HIP1R: variants seen among roughly 807,000 people sequenced by gnomAD.
HIP1R encodes huntingtin interacting protein 1 related.
A neutral mutation model predicts 144.2 loss-of-function variants in HIP1R; 135 were observed. That is an observed-to-expected ratio of 0.94 (90% CI 0.81 to 1.08). The LOEUF (loss-of-function observed/expected upper bound fraction) is 1.08, where lower values mean the gene tolerates loss of function less well. Ranked by LOEUF, HIP1R falls within the 50% of genes least tolerant of loss-of-function variation. The pLI, the probability that HIP1R is intolerant of heterozygous loss-of-function variation, is 0.00. For synonymous variants in HIP1R, 698 were observed against 612.8 expected (o/e 1.14, Z -2.05); for missense variants, 1,462 against 1,432.8 (o/e 1.02, Z -0.33).
chr12:122,858,895 T>G lies in HIP1R; in HGVS notation c.2108T>G (p.Ile703Ser). The G allele has an allele frequency of 6.2e-7, 1 of 1,613,158 alleles. No homozygotes were observed. The highest frequency in any genetic ancestry group is 2.2e-5 in the East Asian group (1 of 44,878). The change falls in exon 21 of 32, where the codon ATC becomes AGC. Residue 703 changes from isoleucine (I) to serine (S), a missense_variant. This residue lies in a region of HIP1R where 1,112 missense variants were observed against 1,011.7 expected (regional missense o/e 1.10). Transcript: ENST00000253083. ...TRFSHLAADTIINGGATSHLA... is the reference protein window; with the variant it reads ...TRFSHLAADTSINGGATSHLA... The stretch of plus-strand genomic sequence containing the variant: ...TTCTCCCACCTGGCTGCGGATACCA[T>G]CATCAATGGCGGTGCCACCTCGCAC...
intron 7 of HIP1R, 33 bp downstream of exon 7, chr12:122,851,330 G>C (rs2033388723): frequency 6.7e-7 from 1 of 1,499,360 alleles, no homozygotes; most frequent in South Asian, 1.4e-5. Context: ...GGGGGTCTGA[G>C]TGTATTGCTA....
rs2033699837 is a variant in HIP1R at position 122,859,522 on chromosome 12, G to T, written c.2392G>T (p.Val798Leu). ...CACATCCGCAGCCATTGAAGATGCT[G>T]TGCGGAGGATTGAGGTGAGCACGGG... Reference protein sequence around the residue: ...AATSAAIEDAVRRIEDMMNQA... With the variant: ...AATSAAIEDALRRIEDMMNQA... The change falls in exon 23 of 32, where the codon GTG becomes TTG. Residue 798 changes from valine to leucine, a missense_variant. Around this residue, in one of 2 missense-constraint regions of HIP1R, gnomAD observed 1,112 missense variants for 1,011.7 expected, o/e 1.10. Transcript: ENST00000253083. 1.2e-6 allele frequency: 2 copies of T among 1,612,666 alleles called. No individual in the cohort carries two copies. The highest frequency in any genetic ancestry group is 2.2e-5 in the South Asian group (2 of 91,062).
intron 17 of HIP1R, 51 bp from the exon 18 acceptor site, chr12:122,856,970 G>C: frequency 6.6e-7 from 1 of 1,516,750 alleles, no homozygotes; most frequent in Non-Finnish European, 8.9e-7. Flanking sequence ...GGCAGGGTGG[G>C]TGGGGCCTGG....
At chr12:122,846,258 G>A (rs1444273543) in intron 1 of HIP1R, among the ~76,000 whole-genome samples, 1 of 152,174 alleles carries the variant, frequency 6.6e-6, no homozygotes, top group East Asian at 1.9e-4. Context: ...CACAGGTTGT[G>A]GAATCAGACA....
intron 7 of HIP1R, 114 bp from the exon 8 acceptor site, chr12:122,853,929 G>C: frequency 8.1e-7 from 1 of 1,238,954 alleles, no homozygotes; most frequent in East Asian, 2.5e-5. Context: ...TGGAGGCAGG[G>C]GGCACACTGG....
intron 1 of HIP1R, among the ~76,000 whole-genome samples, chr12:122,839,638 G>A (rs2033001635): frequency 6.6e-6 from 1 of 152,216 alleles, no homozygotes; most frequent in African/African-American, 2.4e-5. Context: ...CCAGAGGCAA[G>A]CCACGTGTGT....
intron 23 of HIP1R, 56 bp downstream of exon 23, chr12:122,859,592 G>GC: frequency 6.9e-7 from 1 of 1,439,256 alleles, no homozygotes; most frequent in Admixed American, 2.0e-5. Context: ...GGGGCCGGAG[G>GC]CCCCAACTGG....
intron 1 of HIP1R, 36 bp from the exon 2 acceptor site, chr12:122,847,995 C>T (rs2033260086): frequency 1.2e-6 from 2 of 1,610,494 alleles, no homozygotes; most frequent in Non-Finnish European, 1.7e-6. Context: ...GGGTGGCTGC[C>T]TGGGGCTCTA....
rs546127110 is a variant in HIP1R at position 122,861,367 on chromosome 12, G to A, written c.3012G>A (p.Leu1004=). ...LEAERMRLGE[L]RKQHYVLAGA... ...CTGAACGCATGCGGCTGGGGGAGTT[G>A]CGGAAGCAACACTACGTGCTGGCTG... The change falls in exon 31 of 32, where the codon TTG becomes TTA. Residue 1004 remains leucine (L), a synonymous_variant. Coordinates refer to ENST00000253083, the MANE Select transcript of HIP1R (RefSeq NM_003959.3). 23 of 1,613,592 alleles carry A rather than the reference G, an allele frequency of 1.4e-5. No homozygotes were observed. The highest frequency in any genetic ancestry group is 3.3e-4 in the Middle Eastern group (2 of 6,060).
intron 1 of HIP1R, among the ~76,000 whole-genome samples, chr12:122,844,250 G>C (rs2033145567): frequency 6.6e-6 from 1 of 152,118 alleles, no homozygotes; most frequent in Non-Finnish European, 1.5e-5. Flanking sequence ...GCCATTCTCA[G>C]CCTTCTAAGT....
At chr12:122,848,175 C>T in intron 2 of HIP1R, 81 bp downstream of exon 2, 1 of 1,462,380 alleles carries the variant, frequency 6.8e-7, no homozygotes, top group East Asian at 2.3e-5. Flanking sequence ...CTGCGGTCAG[C>T]TGTGCCGGGG....
chr12:122,861,254 G>A (rs1489770000), intron 30 of HIP1R, 54 bp from the exon 31 acceptor site: 1 of 1,613,300 alleles, frequency 6.2e-7, no homozygotes, highest in African/African-American at 1.3e-5. Flanking sequence ...CCTGGACCCA[G>A]GAGAGAGCTC....
intron 22 of HIP1R, 76 bp from the exon 23 acceptor site, chr12:122,859,350 C>T: frequency 1.3e-6 from 2 of 1,502,354 alleles, no homozygotes; most frequent in Non-Finnish European, 1.8e-6. Context: ...CCCTGTGGTC[C>T]CCAACCTCTT....
In HIP1R at chr12:122,859,767, T is replaced by A; in HGVS notation, c.2407-5T>A. 6.2e-7 allele frequency: 1 copy of A among 1,612,786 alleles called. No individual in the cohort carries two copies. The highest frequency in any genetic ancestry group is 8.5e-7 in the Non-Finnish European group (1 of 1,179,716). On this transcript the variant is annotated splice_polypyrimidine_tract_variant and splice_region_variant and intron_variant, in intron 23 of 31. Coordinates refer to ENST00000253083, the MANE Select transcript of HIP1R (RefSeq NM_003959.3). ...GCCAGCTCACGGCTCTGTTCTTGGG[T>A]GCAGGACATGATGAACCAGGCACGC...
chr12:122,835,781 T>G, intron 1 of HIP1R, 138 bp downstream of exon 1: 1 of 423,916 alleles, frequency 2.4e-6, no homozygotes, highest in Non-Finnish European at 3.2e-6. Context: ...GCAGGGCCTG[T>G]GTCCGCCCGG....
intron 8 of HIP1R, 45 bp from the exon 9 acceptor site, chr12:122,854,860 G>GA: frequency 6.3e-7 from 1 of 1,592,980 alleles, no homozygotes; most frequent in Admixed American, 1.7e-5. Flanking sequence ...GTGAGCCCCT[G>GA]AGCAGTGTGC....
chr12:122,859,723 C>G, intron 23 of HIP1R, 49 bp from the exon 24 acceptor site: 6 of 1,598,162 alleles, frequency 3.8e-6, no homozygotes, highest in Non-Finnish European at 5.1e-6. Context: ...TTTCCCAGGA[C>G]CACGGTCCCC....
Position 122,860,735 on chromosome 12 carries a change from G to A in HIP1R, c.2717G>A (p.Cys906Tyr), listed in dbSNP as rs564990164. The A allele has an allele frequency of 6.2e-7, 1 of 1,613,232 alleles. No individual in the cohort carries two copies. Among genetic ancestry groups the A allele is most frequent in the African/African-American group, 1.3e-5 (1 of 75,020 alleles). Reference sequence around the variant, plus strand: ...GGCAAGTATGAGGAGCTCATCGTCTGCTCCCACGAGATCGCAGCCAGCACG... The same window carrying A: ...GGCAAGTATGAGGAGCTCATCGTCTACTCCCACGAGATCGCAGCCAGCACG... ...HTGKYEELIV[C>Y]SHEIAASTAQ... is the part of the protein sequence containing the mutation. Residue 906 changes from cysteine to tyrosine, a missense_variant, in exon 28 of 32, where the codon TGC (cysteine) becomes TAC (tyrosine). Coordinates refer to ENST00000253083, the MANE Select transcript of HIP1R (RefSeq NM_003959.3).
chr12:122,855,261 G>C lies in HIP1R; in HGVS notation c.853-4G>C. On this transcript the variant is annotated splice_polypyrimidine_tract_variant and splice_region_variant and intron_variant, in intron 10 of 31. Transcript: ENST00000253083. ...TGAGCAGGTCCCACCTGCCGCCCCTGCAGGGACCCCCTAACTTCCTGCGGG... is the reference window on the plus strand; with the variant it reads ...TGAGCAGGTCCCACCTGCCGCCCCTCCAGGGACCCCCTAACTTCCTGCGGG... The C allele has an allele frequency of 6.2e-7, 1 of 1,612,720 alleles. No homozygotes were observed. The highest frequency in any genetic ancestry group is 8.5e-7 in the Non-Finnish European group (1 of 1,179,846).
Sources: allele counts gnomAD v4.1 joint callset (sites outside exome capture counted in the v4.1 genomes callset), GRCh38; gene constraint gnomAD v4.1.1; regional missense constraint gnomAD v4.1.1; transcripts MANE v1.5; gene names NCBI Gene and HGNC (gene_info 2026-07-23, HGNC 2026-07-21).